USP46: variants seen among roughly 807,000 people sequenced by gnomAD.
The protein encoded by USP46 is ubiquitin carboxyl-terminal hydrolase 46.
USP46 carries 12 observed loss-of-function variants against 44.4 expected under a neutral mutation model. The ratio of observed to expected loss-of-function variants is 0.27; its 90% CI spans 0.17 to 0.44. USP46 has a LOEUF of 0.44. Ranked by LOEUF, USP46 falls within the 20% of genes least tolerant of loss-of-function variation. The pLI is 1.00. For synonymous variants in USP46, 155 were observed against 161.5 expected, an observed-to-expected ratio of 0.96 and a Z score of 0.31; for missense variants, 248 against 444.8, an observed-to-expected ratio of 0.56 and a Z score of 3.98.
chr4:52,627,825 C>T (rs1400380604), intron 3 of USP46, 125 bp downstream of exon 3: 13 of 1,056,234 alleles, frequency 1.2e-5, no homozygotes, highest in South Asian at 3.7e-5. Flanking sequence ...AAAATGACAC[C>T]GAGTAGTTAA....
chr4:52,658,392 C>T (rs1240412554), intron 1 of USP46: 1 of 407,196 alleles, frequency 2.5e-6, no homozygotes, highest in East Asian at 7.2e-5. Flanking sequence ...CCATGCCCGC[C>T]AGCCTCCCCT....
chr4:52,656,224 T>A, intron 1 of USP46: 6 of 1,480,762 alleles, frequency 4.1e-6, no homozygotes, highest in Non-Finnish European at 5.5e-6. Context: ...GGACCAAAGT[T>A]AGGAGCGGGA....
At chr4:52,607,421 C>T (rs543035478) in intron 5 of USP46, among the ~76,000 whole-genome samples, 54 of 152,340 alleles carry the variant, frequency 3.5e-4, no homozygotes, top group African/African-American at 1.1e-3. Flanking sequence ...GGGGCACTTG[C>T]TCTTTCCAAC....
intron 1 of USP46, chr4:52,658,112 G>A (rs1188102760): frequency 2.3e-6 from 1 of 425,736 alleles, no homozygotes; most frequent in East Asian, 7.3e-5. Context: ...CCGCTTGGGA[G>A]GGGGCTAGAG....
chr4:52,629,704 G>A (rs755938268), intron 2 of USP46: 33 of 456,116 alleles, frequency 7.2e-5, no homozygotes, highest in Admixed American at 1.4e-4. Context: ...GGAAAGGAAC[G>A]AACATTTACC....
At chr4:52,602,467 T>G (rs1488341335) in intron 6 of USP46, among the ~76,000 whole-genome samples, 1 of 152,222 alleles carries the variant, frequency 6.6e-6, no homozygotes, top group Admixed American at 6.5e-5. Flanking sequence ...TGATGCCGAC[T>G]GCTGGACTTA....
At chr4:52,636,623 T>C (rs936160315) in intron 1 of USP46, among the ~76,000 whole-genome samples, 5 of 148,924 alleles carry the variant, frequency 3.4e-5, no homozygotes, top group Admixed American at 1.3e-4. Flanking sequence ...GGAGAATTGC[T>C]TGAACCCAGG....
At chr4:52,604,968 T>C (rs1253367114) in intron 5 of USP46, among the ~76,000 whole-genome samples, 1 of 152,196 alleles carries the variant, frequency 6.6e-6, no homozygotes, top group East Asian at 1.9e-4. Context: ...AGAAAAATAC[T>C]GTTGAGTAAA....
At position 52,597,648 on chromosome 4, in the gene USP46, T is replaced by C; in HGVS notation, c.1093A>G (p.Arg365Gly). ...ESGYILFYQS[R>G]E ...TCCCGCAGGTCTTTCAGTTACTCTC[T>C]TGACTGATAGAATAAAATATATCCA... is the stretch of plus-strand genomic sequence containing the variant. Residue 365 changes from arginine to glycine, a missense_variant, in exon 9 of 9, where the codon AGA becomes GGA. By Grantham distance (125) the Arg-to-Gly change is moderately radical. Around this residue, in one of 5 missense-constraint regions of USP46, gnomAD observed 28 missense variants for 28.5 expected, o/e 0.98. Transcript: ENST00000441222. 1.3e-6 allele frequency: 2 copies of C among 1,581,052 alleles called. No individual in the cohort carries two copies. The highest frequency in any genetic ancestry group is 1.2e-5 in the South Asian group (1 of 86,696).
At chr4:52,613,233 G>GTATC (rs1244447017) in intron 4 of USP46, among the ~76,000 whole-genome samples, 1 of 152,078 alleles carries the variant, frequency 6.6e-6, no homozygotes, top group African/African-American at 2.4e-5. Flanking sequence ...AGGAAAGAGG[G>GTATC]TATCTCCAAC....
chr4:52,613,280 C>T (rs1007597609), intron 4 of USP46, among the ~76,000 whole-genome samples: 1 of 152,326 alleles, frequency 6.6e-6, no homozygotes, highest in Non-Finnish European at 1.5e-5. Flanking sequence ...TCCACCCATG[C>T]ATGGAATACA....
At chr4:52,646,237 G>A (rs549458040) in intron 1 of USP46, among the ~76,000 whole-genome samples, 1 of 152,296 alleles carries the variant, frequency 6.6e-6, no homozygotes, top group Admixed American at 6.5e-5. Flanking sequence ...GGGGAGCACT[G>A]CAGGAGTCAA....
At chr4:52,618,624 G>GTAGAAA (rs1317165615) in intron 4 of USP46, among the ~76,000 whole-genome samples, 1 of 152,150 alleles carries the variant, frequency 6.6e-6, no homozygotes, top group Admixed American at 6.5e-5. Context: ...TTCCTTTCTT[G>GTAGAAA]GGTTCAGTAG....
At chr4:52,636,966 C>T (rs891363740) in intron 1 of USP46, among the ~76,000 whole-genome samples, 2 of 151,862 alleles carry the variant, frequency 1.3e-5, no homozygotes, top group Non-Finnish European at 2.9e-5. Flanking sequence ...GCATAACCCA[C>T]ACCCAGATAA....
chr4:52,635,489 G>A (rs1443956832), intron 1 of USP46, among the ~76,000 whole-genome samples: 1 of 152,088 alleles, frequency 6.6e-6, no homozygotes, highest in African/African-American at 2.4e-5. Flanking sequence ...CATTTCCAAT[G>A]GTCCCCAAGT....
chr4:52,655,116 G>A (rs544465264), intron 1 of USP46, among the ~76,000 whole-genome samples: 6 of 152,286 alleles, frequency 3.9e-5, no homozygotes, highest in Non-Finnish European at 5.9e-5. Context: ...TTGGTCAAAC[G>A]AGAATGTATT....
chr4:52,632,990 A>AAAGGAAAGAAAAG lies in USP46; in HGVS notation c.37-1847_37-1846insCTTTTCTTTCCTT. On this transcript the variant is annotated intron_variant, in intron 1 of 8. Transcript: ENST00000441222. ...AAAGAAAGAAAGAAAGAAAGAAAAG[A>AAAGGAAAGAAAAG]AAAGAAAGAAAGAAAGAAAGAAAGA... Among the ~76,000 whole-genome samples the AAAGGAAAGAAAAG allele has an allele frequency of 6.0e-5, 4 of 66,294 alleles. 1 individual carries two copies. The highest frequency in any genetic ancestry group is 1.8e-4 in the African/African-American group (3 of 16,514). The allele number at this position is 66,294 out of a possible 152,430, so 43.5% of individuals were successfully genotyped here.
At chr4:52,616,959 G>A (rs117919892) in intron 4 of USP46, among the ~76,000 whole-genome samples, 1,786 of 152,290 alleles carry the variant, frequency 0.012, 27 homozygotes, top group East Asian at 0.05. Flanking sequence ...AAAATTTGTA[G>A]CATGCAGCTA....
intron 1 of USP46, among the ~76,000 whole-genome samples, chr4:52,655,093 T>A (rs951402714): frequency 1.3e-5 from 2 of 152,246 alleles, no homozygotes; most frequent in African/African-American, 2.4e-5. Flanking sequence ...AGAAGCAGAA[T>A]GTGTATACAA....
Sources: gnomAD v4.1 joint callset for allele counts (sites outside exome capture counted in the v4.1 genomes callset) on GRCh38, gnomAD v4.1.1 for gene constraint, gnomAD v4.1.1 regional missense constraint, MANE v1.5 for transcripts, NCBI Gene and HGNC (gene_info 2026-07-23, HGNC 2026-07-21) for gene names.